FBXL14: variants seen among roughly 807,000 people sequenced by gnomAD.
FBXL14 encodes F-box/LRR-repeat protein 14.
Under a neutral mutation model 24.5 loss-of-function variants are expected in FBXL14, and 11 were observed. That is an observed-to-expected ratio of 0.45 (90% CI 0.28 to 0.74). The LOEUF (loss-of-function observed/expected upper bound fraction) is 0.74, where lower values mean the gene tolerates loss of function less well. Ranked by LOEUF, FBXL14 falls within the 30% of genes least tolerant of loss-of-function variation. The probability of loss-of-function intolerance (pLI) is 0.12; values close to 1 mark genes in which losing one functional copy is unlikely to be tolerated. For missense variants in FBXL14, 384 were observed against 545.6 expected, an observed-to-expected ratio of 0.70 and a Z score of 2.95; for synonymous variants, 294 against 240.4, an observed-to-expected ratio of 1.22 and a Z score of -2.06.
At position 1,594,193 on chromosome 12, in the gene FBXL14, A is replaced by C; in HGVS notation, c.-127T>G. Reference sequence around the variant, plus strand: ...CGCCGCCGCCGCCGCCTCGGGCCCAACGGCCGGCCCCTCCCCGCCTTCCGG... The same window carrying C: ...CGCCGCCGCCGCCGCCTCGGGCCCACCGGCCGGCCCCTCCCCGCCTTCCGG... On this transcript the variant is annotated 5_prime_UTR_variant, in exon 1 of 2. Coordinates refer to ENST00000339235, the MANE Select transcript of FBXL14 (RefSeq NM_152441.3). 11 of 560,862 alleles carry C rather than the reference A, an allele frequency of 2.0e-5. No individual in the cohort carries two copies. Among genetic ancestry groups the C allele is most frequent in the Non-Finnish European group, 2.6e-5 (11 of 423,714 alleles). 34.7% of individuals were successfully genotyped at this position (560,862 alleles called of 1,614,324 possible). A position where few individuals can be genotyped will look rare whatever the true frequency, so the allele number is the denominator to read the frequency against.
chr12:1,581,537 G>T (rs2094466355), intron 1 of FBXL14, among the ~76,000 whole-genome samples: 1 of 152,210 alleles, frequency 6.6e-6, no homozygotes, highest in African/African-American at 2.4e-5. Context: ...GAGCCGGCCT[G>T]TCCCGGAAAT....
chr12:1,586,775 TC>T (rs1464959144), intron 1 of FBXL14, among the ~76,000 whole-genome samples: 2 of 152,208 alleles, frequency 1.3e-5, no homozygotes, highest in Non-Finnish European at 2.9e-5. Context: ...ACTGAGTTCT[TC>T]CACAGATCAC....
At chr12:1,583,230 A>T (rs183277927) in intron 1 of FBXL14, among the ~76,000 whole-genome samples, 17 of 151,978 alleles carry the variant, frequency 1.1e-4, no homozygotes, top group Admixed American at 7.2e-4. Context: ...CTTTTGTAAT[A>T]AAAAAAACTA....
At chr12:1,577,991 T>C (rs952696070) in intron 1 of FBXL14, among the ~76,000 whole-genome samples, 2 of 152,222 alleles carry the variant, frequency 1.3e-5, no homozygotes, top group African/African-American at 4.8e-5. Context: ...CTGATACTTC[T>C]TTTCTCCGTG....
intron 1 of FBXL14, among the ~76,000 whole-genome samples, chr12:1,568,686 A>AC (rs1000276173): frequency 4.6e-5 from 7 of 151,804 alleles, no homozygotes; most frequent in African/African-American, 1.7e-4. Flanking sequence ...TACCTGTGAA[A>AC]CCCCCCTCTA....
Position 1,566,812 on chromosome 12 carries a change from T to TG in FBXL14, c.1195-3dup, listed in dbSNP as rs1415296780. On this transcript the variant is annotated splice_region_variant and splice_polypyrimidine_tract_variant and intron_variant, in intron 1 of 1. Transcript: ENST00000339235. The stretch of plus-strand genomic sequence containing the variant: ...TGGAGAAAAATCCCCTCGTGCCTCC[T>TG]GCAGTGGGAAGAAGAAAAAGGACCA... 9.0e-6 allele frequency: 7 copies of TG among 780,884 alleles called. No homozygotes were observed. Among genetic ancestry groups the TG allele is most frequent in the African/African-American group, 1.7e-5 (1 of 59,260 alleles). 48.4% of individuals were successfully genotyped at this position (780,884 alleles called of 1,614,324 possible).
At chr12:1,592,320 G>T (rs1307764094) in intron 1 of FBXL14, among the ~76,000 whole-genome samples, 1 of 150,946 alleles carries the variant, frequency 6.6e-6, no homozygotes, top group South Asian at 2.1e-4. Flanking sequence ...AACATGAAAT[G>T]AGCATGAATA....
intron 1 of FBXL14, among the ~76,000 whole-genome samples, chr12:1,586,607 A>T (rs2094477152): frequency 6.6e-6 from 1 of 152,200 alleles, no homozygotes; most frequent in South Asian, 2.1e-4. Context: ...AGTCTAGAGC[A>T]GCCCAGGTTC....
chr12:1,580,981 C>T (rs1179979519), intron 1 of FBXL14, among the ~76,000 whole-genome samples: 1 of 152,046 alleles, frequency 6.6e-6, no homozygotes, highest in East Asian at 1.9e-4. Context: ...AAGTATCAAG[C>T]GGAAGGCAGC....
intron 1 of FBXL14, among the ~76,000 whole-genome samples, chr12:1,572,292 G>A (rs1406381275): frequency 1.3e-5 from 2 of 152,216 alleles, no homozygotes; most frequent in African/African-American, 4.8e-5. Context: ...GCACGATACG[G>A]TGTGTTTTGA....
At position 1,566,630 on chromosome 12, in the gene FBXL14, T is replaced by C; in HGVS notation, c.*118A>G. ...AGCAGAAGCCCTGGGCAGCAGCCTC[T>C]GCCCGAGCAGTGACAGGCAGGGAAA... On this transcript the variant is annotated 3_prime_UTR_variant, in exon 2 of 2. Coordinates refer to ENST00000339235, the MANE Select transcript of FBXL14 (RefSeq NM_152441.3). The C allele has an allele frequency of 1.4e-6, 1 of 724,200 alleles. No homozygotes were observed. The highest frequency in any genetic ancestry group is 2.6e-6 in the Non-Finnish European group (1 of 389,476). 44.9% of individuals were successfully genotyped at this position (724,200 alleles called of 1,614,324 possible).
At chr12:1,582,987 T>C (rs2094469618) in intron 1 of FBXL14, among the ~76,000 whole-genome samples, 3 of 152,188 alleles carry the variant, frequency 2.0e-5, no homozygotes. Context: ...GTCAGTTTTC[T>C]GTAGGAGGAA....
At chr12:1,576,436 C>T (rs1178579565) in intron 1 of FBXL14, among the ~76,000 whole-genome samples, 1 of 152,194 alleles carries the variant, frequency 6.6e-6, no homozygotes. Context: ...GGCAGTAATG[C>T]AGAGGCTGTC....
chr12:1,592,995 G>C lies in FBXL14; in HGVS notation c.1072C>G (p.Leu358Val), dbSNP rs1427890629. 6.2e-7 allele frequency: 1 copy of C among 1,612,832 alleles called. No individual in the cohort carries two copies. Among genetic ancestry groups the C allele is most frequent in the African/African-American group, 1.3e-5 (1 of 75,070 alleles). ...CAGCCGTACAGGTCTATGCCGGTGAGTTGGCTCAGGTGCTCAGCGATCAGC... is the reference window on the plus strand; with the variant it reads ...CAGCCGTACAGGTCTATGCCGGTGACTTGGCTCAGGTGCTCAGCGATCAGC... Reference protein sequence around the residue: ...LELIAEHLSQLTGIDLYGCTR... With the variant: ...LELIAEHLSQVTGIDLYGCTR... The change falls in exon 1 of 2, where the codon CTC becomes GTC. Residue 358 changes from leucine to valine, a missense_variant. By Grantham distance (32) the Leu-to-Val change is conservative. Transcript: ENST00000339235.
intron 1 of FBXL14, among the ~76,000 whole-genome samples, chr12:1,570,961 G>A (rs540051499): frequency 4.6e-5 from 7 of 152,282 alleles, no homozygotes; most frequent in South Asian, 2.1e-4. Context: ...CCAGATGAGC[G>A]GTTGCTGCAG....
In FBXL14 at chr12:1,594,538, C is replaced by T. The variant is rs994670490; in HGVS notation, c.-472G>A. ...GGGGGCCGGGCGCACGGGCTCCGGG[C>T]GCGGAGGAGGCTTCCTGCTGCCTTT... On this transcript the variant is annotated 5_prime_UTR_variant, in exon 1 of 2. Coordinates refer to ENST00000339235, the MANE Select transcript of FBXL14 (RefSeq NM_152441.3). 8.8e-5 allele frequency among the ~76,000 whole-genome samples: 13 copies of T among 147,980 alleles called. No homozygotes were observed. The highest frequency in any genetic ancestry group is 1.8e-4 in the Non-Finnish European group (12 of 66,346).
chr12:1,590,983 A>G lies in FBXL14; in HGVS notation c.1194+1890T>C, dbSNP rs553783386. Among the ~76,000 whole-genome samples the G allele has an allele frequency of 2.6e-5, 4 of 152,278 alleles. No homozygotes were observed. The South Asian group carries it at 8.3e-4, about 32-fold the overall frequency. On this transcript the variant is annotated intron_variant, in intron 1 of 1. Transcript: ENST00000339235. ...TGCCCACGTCGTGAACCACTTTTCA[A>G]CATCACCTCTAGATCTCATTTTCAC...
intron 1 of FBXL14, among the ~76,000 whole-genome samples, chr12:1,592,020 A>G (rs58591232): frequency 0.034 from 5,119 of 152,076 alleles, 308 homozygotes; most frequent in African/African-American, 0.12. Flanking sequence ...GAAGTGGGGC[A>G]CACTGGACGG....
intron 1 of FBXL14, among the ~76,000 whole-genome samples, chr12:1,584,165 C>T (rs567050780): frequency 3.3e-5 from 5 of 151,920 alleles, no homozygotes; most frequent in South Asian, 4.2e-4. Flanking sequence ...GGCAGCATAG[C>T]GAGACCCTGT....
Sources: allele counts gnomAD v4.1 joint callset (sites outside exome capture counted in the v4.1 genomes callset), GRCh38; gene constraint gnomAD v4.1.1; transcripts MANE v1.5; gene names NCBI Gene and HGNC (gene_info 2026-07-23, HGNC 2026-07-21).